Variants in ATF7IP observed in about 807,000 individuals in gnomAD.
ATF7IP encodes the protein activating transcription factor 7 interacting protein, also known as activating transcription factor 7-interacting protein 1.
Under a neutral mutation model 106.4 loss-of-function variants are expected in ATF7IP, and 23 were observed. That is an observed-to-expected ratio of 0.22 (90% CI 0.16 to 0.31). The LOEUF (loss-of-function observed/expected upper bound fraction) is 0.31, where lower values mean the gene tolerates loss of function less well. Ranked by LOEUF, ATF7IP falls within the 10% of genes least tolerant of loss-of-function variation. ATF7IP has a pLI of 1.00. For missense variants in ATF7IP, 1,334 were observed against 1,524.3 expected (o/e 0.88, Z 2.08); for synonymous variants, 542 against 539.0 (o/e 1.01, Z -0.08).
At position 14,497,561 on chromosome 12, in the gene ATF7IP, C is replaced by A. The variant is rs1945048915; in HGVS notation, c.3394-93C>A. Reference sequence around the variant, plus strand: ...CTAGAATTCTTGATATAAAATGATACTTCTACGTATGTTCTCTAAGGTGTT... The same window carrying A: ...CTAGAATTCTTGATATAAAATGATAATTCTACGTATGTTCTCTAAGGTGTT... On this transcript the variant is annotated intron_variant, in intron 14 of 14. Coordinates refer to ENST00000261168, the MANE Select transcript of ATF7IP (RefSeq NM_018179.5). 7.2e-6 allele frequency: 9 copies of A among 1,255,568 alleles called. No homozygotes were observed. In the South Asian group the frequency reaches 1.1e-4, roughly 15 times the overall value. The allele number at this position is 1,255,568 out of a possible 1,614,324, so 77.8% of individuals were successfully genotyped here.
intron 1 of ATF7IP, among the ~76,000 whole-genome samples, chr12:14,405,571 C>T (rs1262747027): frequency 6.6e-6 from 1 of 151,900 alleles, no homozygotes; most frequent in Non-Finnish European, 1.5e-5. Context: ...TGCACCACCA[C>T]ACCCTGCAAA....
chr12:14,372,460 C>CAA (rs11431179), intron 1 of ATF7IP, among the ~76,000 whole-genome samples: 4,554 of 121,322 alleles, frequency 0.038, 180 homozygotes, highest in African/African-American at 0.11. Context: ...AGCCACTTTT[C>CAA]AAAAAAAAAA....
intron 2 of ATF7IP, among the ~76,000 whole-genome samples, chr12:14,431,487 C>T (rs374738601): frequency 1.3e-5 from 2 of 151,780 alleles, no homozygotes; most frequent in East Asian, 1.9e-4. Context: ...CTCCGCCTCC[C>T]GGGTTCAAGC....
rs986978990 is a variant in ATF7IP, at chr12:14,385,538, C to G, written c.-8+19711C>G. ...TGAAATGTTTGGTAGAACCTTTAAG[C>G]CTTTATTATGGAAACAGTACATAGC... On this transcript the variant is annotated intron_variant, in intron 1 of 14. Coordinates refer to ENST00000261168, the MANE Select transcript of ATF7IP (RefSeq NM_018179.5). 7 of 708,116 alleles carry G rather than the reference C, an allele frequency of 9.9e-6. No individual in the cohort carries two copies. In the African/African-American group the frequency reaches 1.3e-4, roughly 13 times the overall value. 43.9% of individuals were successfully genotyped at this position (708,116 alleles called of 1,614,324 possible). A position where few individuals can be genotyped will look rare whatever the true frequency, so the allele number is the denominator to read the frequency against.
chr12:14,436,187 A>T lies in ATF7IP; in HGVS notation c.1727A>T (p.Glu576Val). The change falls in exon 4 of 15, where the codon GAA becomes GTA. Residue 576 changes from glutamate (E) to valine (V), a missense_variant. Glu to Val is a moderately radical substitution (Grantham distance 121, BLOSUM62 -2). Around this residue, in one of 10 missense-constraint regions of ATF7IP, gnomAD observed 119 missense variants for 117.8 expected, o/e 1.01. Transcript: ENST00000261168. The part of the protein sequence containing the change: ...QSKRRRYMEE[E>V]YEAEFQVKIT... ...AAACGTCGTCGATATATGGAAGAAG[A>T]ATATGAGGCAGAATTTCAAGTAAAG... 6.2e-7 allele frequency: 1 copy of T among 1,613,804 alleles called. No individual in the cohort carries two copies. Among genetic ancestry groups the T allele is most frequent in the Non-Finnish European group, 8.5e-7 (1 of 1,179,816 alleles).
At chr12:14,405,643 C>G (rs1373672652) in intron 1 of ATF7IP, among the ~76,000 whole-genome samples, 2 of 151,980 alleles carry the variant, frequency 1.3e-5, no homozygotes, top group Non-Finnish European at 2.9e-5. Flanking sequence ...TCTTGAACTT[C>G]TGGTGCCTCA....
chr12:14,405,182 A>G (rs1015805313), intron 1 of ATF7IP, among the ~76,000 whole-genome samples: 12 of 149,932 alleles, frequency 8.0e-5, no homozygotes, highest in African/African-American at 2.7e-4. Flanking sequence ...AGATCTTGCT[A>G]TCAAAAGTGT....
chr12:14,425,364 T>C lies in ATF7IP; in HGVS notation c.1449T>C (p.Ser483=), dbSNP rs1941787381. Residue 483 remains serine, a synonymous_variant, in exon 2 of 15, where the codon AGT becomes AGC. Coordinates refer to ENST00000261168, the MANE Select transcript of ATF7IP (RefSeq NM_018179.5). ...SSFGSPSKQE[S]SESLPKEAFL... is the part of the protein sequence containing the mutation. ...TTGGTTCACCATCTAAACAAGAAAG[T>C]AGTGAGAGTTTGCCAAAAGAAGCCT... 4.3e-6 allele frequency: 7 copies of C among 1,612,580 alleles called. No individual in the cohort carries two copies. Among genetic ancestry groups the C allele is most frequent in the Non-Finnish European group, 5.9e-6 (7 of 1,179,654 alleles).
At chr12:14,466,628 T>G (rs923862587) in intron 10 of ATF7IP, 38 bp downstream of exon 10, 1 of 1,452,950 alleles carries the variant, frequency 6.9e-7, no homozygotes, top group African/African-American at 1.4e-5. Context: ...AAAATCCTAA[T>G]TATGGTCCAC....
intron 1 of ATF7IP, among the ~76,000 whole-genome samples, chr12:14,404,446 AG>A (rs768101765): frequency 1.3e-5 from 2 of 152,192 alleles, no homozygotes; most frequent in Non-Finnish European, 2.9e-5. Flanking sequence ...TTGCTTAAAC[AG>A]TACATTTTTA....
chr12:14,421,262 A>G (rs2136537600), intron 1 of ATF7IP, among the ~76,000 whole-genome samples: 1 of 152,246 alleles, frequency 6.6e-6, no homozygotes, highest in East Asian at 1.9e-4. Context: ...AATATTCTGT[A>G]TTTGTTGAGG....
chr12:14,461,763 C>T lies in ATF7IP; in HGVS notation c.2797+630C>T, dbSNP rs1943646940. On this transcript the variant is annotated intron_variant, in intron 9 of 14. Coordinates refer to ENST00000261168, the MANE Select transcript of ATF7IP (RefSeq NM_018179.5). ...GCCAAACTCTGTGTCTTCCTAGTTC[C>T]TAGAAAGAGTTTGTTTTGTATGCAT... is the stretch of plus-strand genomic sequence containing the variant. 2.0e-5 allele frequency among the ~76,000 whole-genome samples: 3 copies of T among 152,194 alleles called. No homozygotes were observed. The South Asian group carries it at 6.2e-4, about 32-fold the overall frequency.
Position 14,481,013 on chromosome 12 carries a change from C to T in ATF7IP, c.3108C>T (p.Thr1036=), listed in dbSNP as rs761022023. The T allele has an allele frequency of 3.5e-5, 57 of 1,613,582 alleles. 1 individual carries two copies. The South Asian group carries it at 4.2e-4, about 12-fold the overall frequency. ...TIHLLPTAPT[T]VNVTHRPVTQ... is the part of the protein sequence containing the mutation. ...TCTGCCTTGCATTAGCTCCAACTAC[C>T]GTGAATGTAACACATCGTCCAGTAA... The change falls in exon 13 of 15, where the codon ACC becomes ACT. Residue 1036 remains threonine, a synonymous_variant. Transcript: ENST00000261168.
rs748198334 is a variant in ATF7IP at position 14,497,795 on chromosome 12, C to T, written c.3535C>T (p.Leu1179=). ...ARVQSQNGIV[L]SWSVLEVDRS... ...CGTTCAGAGTCAAAATGGCATAGTACTGTCATGGAGTGTCCTGGAGGTGGA... is the reference window on the plus strand; with the variant it reads ...CGTTCAGAGTCAAAATGGCATAGTATTGTCATGGAGTGTCCTGGAGGTGGA... Residue 1179 remains leucine (L), a synonymous_variant, in exon 15 of 15, where the codon CTG becomes TTG. Transcript: ENST00000261168. 6.2e-7 allele frequency: 1 copy of T among 1,614,124 alleles called. No individual in the cohort carries two copies. The highest frequency in any genetic ancestry group is 8.5e-7 in the Non-Finnish European group (1 of 1,180,012).
intron 9 of ATF7IP, among the ~76,000 whole-genome samples, chr12:14,464,406 G>A (rs540101100): frequency 7.9e-5 from 12 of 152,200 alleles, no homozygotes; most frequent in East Asian, 3.8e-4. Flanking sequence ...TTAAATGAGC[G>A]AAGTGTTTGC....
At chr12:14,465,133 G>A (rs928109305) in intron 9 of ATF7IP, among the ~76,000 whole-genome samples, 2 of 151,996 alleles carry the variant, frequency 1.3e-5, no homozygotes, top group Admixed American at 1.3e-4. Flanking sequence ...TGAGAATCTC[G>A]AACCTGGGAG....
rs182470781 is a variant in ATF7IP at position 14,492,183 on chromosome 12, T to C, written c.3281-4048T>C. Among the ~76,000 whole-genome samples, 108 of 152,288 alleles carry C rather than the reference T, an allele frequency of 7.1e-4. 2 individuals carry two copies. Among genetic ancestry groups the C allele is most frequent in the South Asian group, 6.8e-3 (33 of 4,820 alleles). ...AGGATGAATCCAGGAATCCACTGGA[T>C]CCACTGTAAGTCAGACCTGAGACAA... is the stretch of plus-strand genomic sequence containing the variant. On this transcript the variant is annotated intron_variant, in intron 13 of 14. Coordinates refer to ENST00000261168, the MANE Select transcript of ATF7IP (RefSeq NM_018179.5).
chr12:14,380,308 T>C (rs1351487122), intron 1 of ATF7IP, among the ~76,000 whole-genome samples: 1 of 152,210 alleles, frequency 6.6e-6, no homozygotes, highest in African/African-American at 2.4e-5. Context: ...GTTGGAAACT[T>C]TTCTCAATTG....
chr12:14,373,490 G>A (rs1404941622), intron 1 of ATF7IP, among the ~76,000 whole-genome samples: 1 of 152,182 alleles, frequency 6.6e-6, no homozygotes, highest in East Asian at 1.9e-4. Context: ...TATGGAAGTG[G>A]CACATAGCAC....
Sources: gnomAD v4.1 joint callset for allele counts (sites outside exome capture counted in the v4.1 genomes callset) on GRCh38, gnomAD v4.1.1 for gene constraint, gnomAD v4.1.1 regional missense constraint, MANE v1.5 for transcripts, NCBI Gene and HGNC (gene_info 2026-07-23, HGNC 2026-07-21) for gene names.